Variants in TP73 observed in about 807,000 individuals in gnomAD.
TP73 encodes p53-like transcription factor.
In TP73, 25 loss-of-function variants were observed where a neutral mutation model predicts 62.5. That is an observed-to-expected ratio of 0.40 (90% CI 0.29 to 0.56). TP73 has a LOEUF of 0.56. Among genes scored for constraint, TP73 ranks in the 20% least tolerant of loss-of-function variants. The probability of loss-of-function intolerance (pLI) is 0.46; values close to 1 mark genes in which losing one functional copy is unlikely to be tolerated. For synonymous variants in TP73, 423 were observed against 377.5 expected (o/e 1.12, Z -1.40); for missense variants, 754 against 913.3 (o/e 0.83, Z 2.25).
chr1:3,679,560 CCT>C (rs1257025845), intron 1 of TP73, among the ~76,000 whole-genome samples: 9 of 129,800 alleles, frequency 6.9e-5, no homozygotes, highest in African/African-American at 2.1e-4. Flanking sequence ...CTTGTCTCTC[CCT>C]GTCTCTGTCT....
intron 9 of TP73, among the ~76,000 whole-genome samples, chr1:3,728,992 A>AAGAGAGAGAGAGAGAGAG (rs3034587): frequency 9.3e-5 from 14 of 150,834 alleles, no homozygotes; most frequent in Admixed American, 4.6e-4. Context: ...TGTCGAAAGA[A>AAGAGAGAGAGAGAGAGAG]AGAGAGAGAG....
intron 9 of TP73, 21 bp from the exon 10 acceptor site, chr1:3,729,306 G>A (rs770335538): frequency 1.2e-6 from 2 of 1,612,692 alleles, no homozygotes; most frequent in African/African-American, 2.7e-5. Flanking sequence ...CGTGGGCAGA[G>A]ATCTGCTCCT....
chr1:3,699,687 G>A lies in TP73; in HGVS notation c.187-7862G>A, dbSNP rs1042010645. Among the ~76,000 whole-genome samples, 2 of 152,210 alleles carry A rather than the reference G, an allele frequency of 1.3e-5. No individual in the cohort carries two copies. Among genetic ancestry groups the A allele is most frequent in the Non-Finnish European group, 2.9e-5 (2 of 68,030 alleles). On this transcript the variant is annotated intron_variant, in intron 3 of 13. Transcript: ENST00000378295. The surrounding 1 kb of genome is among the most constrained non-coding windows in gnomAD (Gnocchi z 4.1). ...TCCCGGTTCCTGTCCTAGTTGAACA[G>A]AATGAATGAGAGTGCGGGATAAATG... is the stretch of plus-strand genomic sequence containing the variant.
In TP73 at chr1:3,728,302, C is replaced by T. The variant is rs563309163; in HGVS notation, c.1074+85C>T. The T allele has an allele frequency of 2.9e-6, 4 of 1,400,396 alleles. No individual in the cohort carries two copies. The South Asian group carries it at 4.9e-5, about 17-fold the overall frequency. The allele number at this position is 1,400,396 out of a possible 1,614,324, so 86.7% of individuals were successfully genotyped here. ...GCCCAGGCTGGGCCATGGGGAGGGA[C>T]TCTGGAGACCATGGTGGAGGGGGCG... On this transcript the variant is annotated intron_variant, in intron 9 of 13. Transcript: ENST00000378295.
intron 1 of TP73, among the ~76,000 whole-genome samples, chr1:3,678,357 C>A (rs1215461899): frequency 6.6e-6 from 1 of 152,342 alleles, no homozygotes; most frequent in South Asian, 2.1e-4. Flanking sequence ...CCCAGCGCAG[C>A]GTCCCTGCAC....
At chr1:3,667,936 T>TC (rs1645157895) in intron 1 of TP73, among the ~76,000 whole-genome samples, 1 of 152,178 alleles carries the variant, frequency 6.6e-6, no homozygotes, top group Non-Finnish European at 1.5e-5. Context: ...CCCTTCAGTG[T>TC]CCCCCCAGGG....
intron 11 of TP73, among the ~76,000 whole-genome samples, chr1:3,730,477 C>T (rs926976827): frequency 6.6e-6 from 1 of 152,210 alleles, no homozygotes. Context: ...GTACCAGGCT[C>T]ACTCCTTGTG....
chr1:3,716,899 G>A (rs142273158), intron 4 of TP73, among the ~76,000 whole-genome samples: 50 of 152,168 alleles, frequency 3.3e-4, no homozygotes, highest in African/African-American at 1.2e-3. Context: ...GCAGAGGGTG[G>A]GCTCAAAGAG....
chr1:3,730,532 C>T lies in TP73; in HGVS notation c.1345+384C>T, dbSNP rs373239882. ...CCTCATCAGGGGCCCCAGCACAAGC[C>T]GGGGGCTCCATTGGATAGAGTTTGG... On this transcript the variant is annotated intron_variant, in intron 11 of 13. Transcript: ENST00000378295. Among the ~76,000 whole-genome samples the T allele has an allele frequency of 8.5e-5, 13 of 152,258 alleles. 1 individual carries two copies. The highest frequency in any genetic ancestry group is 7.7e-4 in the East Asian group (4 of 5,172).
rs1212159024 is a variant in TP73 at position 3,729,370 on chromosome 1, A to C, written c.1118A>C (p.Glu373Ala). ...ENFEILMKLK[E>A]SLELMELVPQ... ...TTTGAGATCCTGATGAAGCTGAAAG[A>C]GAGCCTGGAGCTGATGGAGTTGGTG... Residue 373 changes from glutamate to alanine, a missense_variant, in exon 10 of 14, where the codon GAG (glutamate) becomes GCG (alanine). By Grantham distance (107) the Glu-to-Ala change is moderately radical. This residue lies in a region of TP73 where 458 missense variants were observed against 528.7 expected (regional missense o/e 0.87). Transcript: ENST00000378295. The C allele has an allele frequency of 6.2e-7, 1 of 1,613,124 alleles. No individual in the cohort carries two copies. The highest frequency in any genetic ancestry group is 8.5e-7 in the Non-Finnish European group (1 of 1,180,016).
At chr1:3,700,203 A>G (rs931274532) in intron 3 of TP73, among the ~76,000 whole-genome samples, 2 of 150,708 alleles carry the variant, frequency 1.3e-5, no homozygotes, top group African/African-American at 4.9e-5. Context: ...CCCGCCTCAC[A>G]TCTCCTCCGC....
At chr1:3,705,309 A>G (rs1315598626) in intron 3 of TP73, among the ~76,000 whole-genome samples, 1 of 152,248 alleles carries the variant, frequency 6.6e-6, no homozygotes, top group African/African-American at 2.4e-5. Context: ...TCCATTTGCC[A>G]TTCAGTGAAC....
At chr1:3,707,075 G>A (rs1400806734) in intron 3 of TP73, among the ~76,000 whole-genome samples, 2 of 152,124 alleles carry the variant, frequency 1.3e-5, no homozygotes, top group Admixed American at 6.5e-5. Context: ...GGGCACCCAC[G>A]CACCCAAGCC....
intron 3 of TP73, among the ~76,000 whole-genome samples, chr1:3,707,041 C>T (rs1381943887): frequency 3.3e-5 from 5 of 152,138 alleles, no homozygotes; most frequent in African/African-American, 9.7e-5. Flanking sequence ...AGTGAGAGCC[C>T]GGATCTGGTC....
intron 3 of TP73, among the ~76,000 whole-genome samples, chr1:3,705,430 C>A (rs561428759): frequency 2.6e-5 from 4 of 152,348 alleles, no homozygotes; most frequent in African/African-American, 9.6e-5. Context: ...AGGGCCCGTG[C>A]TGCAGGGGGT....
intron 1 of TP73, among the ~76,000 whole-genome samples, chr1:3,675,324 G>A (rs190367357): frequency 6.6e-6 from 1 of 150,976 alleles, no homozygotes; most frequent in Non-Finnish European, 1.5e-5. Context: ...AATGGCCCAG[G>A]TGTCTCCTCC....
intron 7 of TP73, 158 bp from the exon 8 acceptor site, chr1:3,727,470 C>T (rs1641745066): frequency 4.4e-6 from 5 of 1,135,440 alleles, no homozygotes; most frequent in Non-Finnish European, 6.2e-6. Context: ...GAGCCTCTGA[C>T]TCCCTCTAGC....
intron 3 of TP73, among the ~76,000 whole-genome samples, chr1:3,705,842 G>C (rs1008807776): frequency 1.3e-5 from 2 of 152,234 alleles, no homozygotes; most frequent in African/African-American, 4.8e-5. Flanking sequence ...CGGGGGATGC[G>C]GCCCTCGTCA....
chr1:3,659,467 A>G (rs1195929154), intron 1 of TP73: 1 of 152,176 alleles, frequency 6.6e-6, no homozygotes, highest in Non-Finnish European at 1.5e-5. Flanking sequence ...GAGAAAATTG[A>G]AAGTGTTAGT....
Sources: allele counts gnomAD v4.1 joint callset (sites outside exome capture counted in the v4.1 genomes callset), GRCh38; gene constraint gnomAD v4.1.1; regional missense constraint gnomAD v4.1.1; non-coding constraint Gnocchi (gnomAD v3.1); transcripts MANE v1.5; gene names NCBI Gene and HGNC (gene_info 2026-07-23, HGNC 2026-07-21).